PRKCA: variants seen among roughly 807,000 people sequenced by gnomAD.
PRKCA encodes the protein protein kinase C alpha type.
Under a neutral mutation model 87.0 loss-of-function variants are expected in PRKCA, and 27 were observed. The observed-to-expected ratio is 0.31, with a 90% CI of 0.23 to 0.43. PRKCA has a LOEUF of 0.43. Among genes scored for constraint, PRKCA ranks in the 20% least tolerant of loss-of-function variants. The pLI is 1.00. For synonymous variants in PRKCA, 329 were observed against 311.1 expected (o/e 1.06, Z -0.61); for missense variants, 518 against 852.3 (o/e 0.61, Z 4.88).
intron 13 of PRKCA, among the ~76,000 whole-genome samples, chr17:66,750,529 C>A (rs566296955): frequency 6.6e-6 from 1 of 152,302 alleles, no homozygotes; most frequent in South Asian, 2.1e-4. Context: ...TTAACTGTCT[C>A]ATAATTCTCC....
intron 13 of PRKCA, 66 bp downstream of exon 13, chr17:66,742,826 G>C: frequency 6.4e-7 from 1 of 1,553,972 alleles, no homozygotes; most frequent in Non-Finnish European, 8.7e-7. Flanking sequence ...CCTCTCATGG[G>C]TTATAGGGTC....
At chr17:66,683,735 G>A (rs1407188935) in intron 5 of PRKCA, among the ~76,000 whole-genome samples, 1 of 152,094 alleles carries the variant, frequency 6.6e-6, no homozygotes, top group African/African-American at 2.4e-5. Flanking sequence ...GAGTATCTGG[G>A]ATTACAGGTG....
chr17:66,462,186 G>A (rs1430941651), intron 2 of PRKCA, among the ~76,000 whole-genome samples: 2 of 152,126 alleles, frequency 1.3e-5, no homozygotes, highest in Non-Finnish European at 2.9e-5. Flanking sequence ...TGCGGTTTCT[G>A]AGATCAGTGC....
intron 2 of PRKCA, among the ~76,000 whole-genome samples, chr17:66,419,827 A>T (rs1912383231): frequency 1.3e-5 from 2 of 152,104 alleles, no homozygotes; most frequent in South Asian, 4.2e-4. Context: ...TTGGAGATTG[A>T]TGTCTTGGGG....
Position 66,641,432 on chromosome 17 carries a change from C to T in PRKCA, c.366C>T (p.Leu122=). 3 of 1,610,468 alleles carry T rather than the reference C, an allele frequency of 1.9e-6. No homozygotes were observed. The highest frequency in any genetic ancestry group is 2.5e-6 in the Non-Finnish European group (3 of 1,177,938). Reference sequence around the variant, plus strand: ...TCTGCGATCACTGTGGGTCACTGCTCTATGGACTTATCCATCAAGGGATGA... The same window carrying T: ...TCTGCGATCACTGTGGGTCACTGCTTTATGGACTTATCCATCAAGGGATGA... The part of the protein sequence containing the change: ...PTFCDHCGSL[L]YGLIHQGMKC... Residue 122 remains leucine (L), a synonymous_variant, in exon 4 of 17, where the codon CTC becomes CTT. Coordinates refer to ENST00000413366, the MANE Select transcript of PRKCA (RefSeq NM_002737.3).
At chr17:66,383,254 G>A (rs930216477) in intron 2 of PRKCA, among the ~76,000 whole-genome samples, 4 of 152,222 alleles carry the variant, frequency 2.6e-5, no homozygotes, top group South Asian at 2.1e-4. Context: ...TTTCTAAGTG[G>A]TGAATTTTTT....
At chr17:66,479,260 ACACT>A (rs1915671544) in intron 2 of PRKCA, among the ~76,000 whole-genome samples, 1 of 152,236 alleles carries the variant, frequency 6.6e-6, no homozygotes, top group Non-Finnish European at 1.5e-5. Flanking sequence ...TCATGAAAAA[ACACT>A]CAACATCACT....
chr17:66,317,399 G>A (rs936496877), intron 2 of PRKCA, among the ~76,000 whole-genome samples: 2 of 152,182 alleles, frequency 1.3e-5, no homozygotes, highest in African/African-American at 4.8e-5. Flanking sequence ...ACATGATACT[G>A]CTACCATGCT....
At chr17:66,369,729 T>C (rs1908984510) in intron 2 of PRKCA, among the ~76,000 whole-genome samples, 1 of 152,188 alleles carries the variant, frequency 6.6e-6, no homozygotes, top group Non-Finnish European at 1.5e-5. Context: ...GGTGGCGTGA[T>C]GGCCCACTGA....
chr17:66,383,990 T>C (rs1404954001), intron 2 of PRKCA, among the ~76,000 whole-genome samples: 2 of 152,106 alleles, frequency 1.3e-5, no homozygotes, highest in Non-Finnish European at 2.9e-5. Flanking sequence ...ATTAATGTTA[T>C]AGTTAAAATA....
At chr17:66,542,254 C>G (rs1235821320) in intron 3 of PRKCA, among the ~76,000 whole-genome samples, 2 of 151,994 alleles carry the variant, frequency 1.3e-5, no homozygotes, top group Non-Finnish European at 2.9e-5. Context: ...TTAGGATTTT[C>G]ACGATGTGGT....
At chr17:66,527,656 C>T (rs1967392037) in intron 3 of PRKCA, among the ~76,000 whole-genome samples, 1 of 152,198 alleles carries the variant, frequency 6.6e-6, no homozygotes, top group Non-Finnish European at 1.5e-5. Flanking sequence ...ATTGACCAGG[C>T]CTCATGGGTC....
intron 14 of PRKCA, 111 bp from the exon 15 acceptor site, chr17:66,786,756 T>G: frequency 2.8e-6 from 2 of 726,092 alleles, no homozygotes; most frequent in Non-Finnish European, 4.7e-6. Flanking sequence ...CAGCCTGTGG[T>G]GGGGCTGAGA....
chr17:66,765,996 G>GA (rs750027558), intron 13 of PRKCA, among the ~76,000 whole-genome samples: 1 of 152,146 alleles, frequency 6.6e-6, no homozygotes, highest in African/African-American at 2.4e-5. Flanking sequence ...GTTTCTCTGG[G>GA]AAAAAATGCT....
chr17:66,540,510 T>C (rs547639233), intron 3 of PRKCA, among the ~76,000 whole-genome samples: 11 of 151,900 alleles, frequency 7.2e-5, no homozygotes, highest in African/African-American at 1.2e-4. Flanking sequence ...GAGCAGTCAG[T>C]TGGGTGGCGG....
intron 2 of PRKCA, among the ~76,000 whole-genome samples, chr17:66,458,457 T>A (rs181810499): frequency 1.3e-5 from 2 of 148,642 alleles, no homozygotes; most frequent in Middle Eastern, 3.2e-3. Context: ...TCCTTTCAGG[T>A]TTGTCTTCTT....
At chr17:66,494,857 C>T (rs1916401689) in intron 2 of PRKCA, among the ~76,000 whole-genome samples, 1 of 152,172 alleles carries the variant, frequency 6.6e-6, no homozygotes, top group Non-Finnish European at 1.5e-5. Flanking sequence ...AATCCCAGCA[C>T]TTTGGGAAGC....
intron 2 of PRKCA, among the ~76,000 whole-genome samples, chr17:66,480,526 A>C (rs1455808562): frequency 6.6e-6 from 1 of 152,230 alleles, no homozygotes; most frequent in Admixed American, 6.5e-5. Context: ...TTATTTATGG[A>C]AAGTTTCCGC....
At chr17:66,418,783 A>C (rs1912323947) in intron 2 of PRKCA, among the ~76,000 whole-genome samples, 1 of 124,352 alleles carries the variant, frequency 8.0e-6, no homozygotes, top group Admixed American at 8.4e-5. Flanking sequence ...AGGGAGTCTC[A>C]CTCTGTTGCC....
Sources: gnomAD v4.1 joint callset for allele counts (sites outside exome capture counted in the v4.1 genomes callset) on GRCh38, gnomAD v4.1.1 for gene constraint, MANE v1.5 for transcripts, NCBI Gene and HGNC (gene_info 2026-07-23, HGNC 2026-07-21) for gene names.